NPM2: variants seen among roughly 807,000 people sequenced by gnomAD.
NPM2 encodes nucleoplasmin-2.
In NPM2, 25 loss-of-function variants were observed where a neutral mutation model predicts 32.0. The ratio of observed to expected loss-of-function variants is 0.78; its 90% CI spans 0.57 to 1.09. The LOEUF is 1.09. Ranked by LOEUF, NPM2 falls within the 50% of genes least tolerant of loss-of-function variation. NPM2 has a pLI of 0.00. For missense variants in NPM2, 282 were observed against 259.9 expected (o/e 1.08, Z -0.58); for synonymous variants, 111 against 94.2 (o/e 1.18, Z -1.04).
Position 22,036,528 on chromosome 8 carries a change from T to A in NPM2, c.600+2T>A. 1 of 1,599,350 alleles carries A rather than the reference T, an allele frequency of 6.3e-7. No homozygotes were observed. The highest frequency in any genetic ancestry group is 8.5e-7 in the Non-Finnish European group (1 of 1,173,236). On this transcript the variant is annotated splice_donor_variant, in intron 9 of 9. Transcript: ENST00000518119. LOFTEE classifies it high-confidence loss of function. The stretch of plus-strand genomic sequence containing the variant: ...AGAGACAAGAGCCCTGTGAAAAAGG[T>A]GAGTAGGACCAGAGGGCTTTGGCCC...
intron 5 of NPM2, among the ~76,000 whole-genome samples, chr8:22,029,734 GTT>G (rs907767313): frequency 1.3e-5 from 2 of 152,134 alleles, no homozygotes; most frequent in African/African-American, 4.8e-5. Context: ...CTTCATGATG[GTT>G]TGGCTGTGTA....
chr8:22,026,020 C>T (rs1005875000), intron 5 of NPM2, among the ~76,000 whole-genome samples: 4 of 152,170 alleles, frequency 2.6e-5, no homozygotes, highest in African/African-American at 7.2e-5. Context: ...GGGTCAAGGA[C>T]CAGAACTCGT....
chr8:22,025,331 C>T, intron 3 of NPM2, 25 bp downstream of exon 3: 1 of 1,601,894 alleles, frequency 6.2e-7, no homozygotes, highest in Non-Finnish European at 8.5e-7. Flanking sequence ...AGGCTCCTTC[C>T]CAGAGACACG....
intron 5 of NPM2, among the ~76,000 whole-genome samples, chr8:22,026,702 G>A (rs1476395220): frequency 2.0e-5 from 3 of 152,114 alleles, no homozygotes; most frequent in Admixed American, 6.6e-5. Flanking sequence ...TGATTCGCCC[G>A]CCTTGGCCTC....
At position 22,036,868 on chromosome 8, in the gene NPM2, C is replaced by T. The variant is rs1010940845; in HGVS notation, c.*186C>T. The T allele has an allele frequency of 1.4e-4, 84 of 596,630 alleles. No individual in the cohort carries two copies. The highest frequency in any genetic ancestry group is 8.2e-4 in the African/African-American group (43 of 52,744). 37.0% of individuals were successfully genotyped at this position (596,630 alleles called of 1,614,324 possible). ...AGGCCCCCAGTGAAGAGCCCCACCT[C>T]GGGGTCACAATAAAGTTGCCTGGTC... On this transcript the variant is annotated 3_prime_UTR_variant, in exon 10 of 10. Coordinates refer to ENST00000518119, the MANE Select transcript of NPM2 (RefSeq NM_001286680.2).
At chr8:22,029,466 A>T (rs1351070699) in intron 5 of NPM2, among the ~76,000 whole-genome samples, 2 of 152,060 alleles carry the variant, frequency 1.3e-5, no homozygotes, top group Admixed American at 6.5e-5. Context: ...TTTTAACTTC[A>T]ATATTATTAT....
At chr8:22,032,219 G>A (rs1433060837) in intron 5 of NPM2, among the ~76,000 whole-genome samples, 1 of 152,234 alleles carries the variant, frequency 6.6e-6, no homozygotes, top group African/African-American at 2.4e-5. Context: ...AATTTGGGAA[G>A]TTTGGAAAAG....
At position 22,034,263 on chromosome 8, in the gene NPM2, G is replaced by A. The variant is rs1287038846; in HGVS notation, c.519G>A (p.Ala173=). 3 of 1,594,360 alleles carry A rather than the reference G, an allele frequency of 1.9e-6. No individual in the cohort carries two copies. Among genetic ancestry groups the A allele is most frequent in the South Asian group, 1.2e-5 (1 of 86,792 alleles). ...AAAGGCTGGTGCCCCAGAAGCAGGC[G>A]AGCGTGGCTAAGGTGGGGGAAGGAG... ...QVKRLVPQKQ[A]SVAKKKKLEK... is the part of the protein sequence containing the mutation. Residue 173 remains alanine, a synonymous_variant, in exon 7 of 10, where the codon GCG becomes GCA. Transcript: ENST00000518119.
intron 5 of NPM2, among the ~76,000 whole-genome samples, chr8:22,028,484 G>GGT (rs1800330135): frequency 8.8e-5 from 3 of 33,980 alleles, no homozygotes; most frequent in Admixed American, 8.6e-4. Context: ...ATGCCCAGCT[G>GGT]ATTTTTTTTT....
Position 22,025,719 on chromosome 8 carries a change from A to C in NPM2, c.217A>C (p.Lys73Gln), listed in dbSNP as rs1800225809. Residue 73 changes from lysine (K) to glutamine (Q), a missense_variant, in exon 5 of 10, where the codon AAG becomes CAG. Transcript: ENST00000518119. ...EILPPANQED[K>Q]KMQPVTIASL... ...CCTGCCCCCAGCAAACCAGGAGGAC[A>C]AGAAGATGCAGCCGGTCACCATTGC... 6.2e-7 allele frequency: 1 copy of C among 1,614,002 alleles called. No homozygotes were observed. Among genetic ancestry groups the C allele is most frequent in the Admixed American group, 1.7e-5 (1 of 60,002 alleles).
In NPM2 at chr8:22,025,461, G is replaced by A. The variant is rs1800210671; in HGVS notation, c.84G>A (p.Arg28=). 3 of 1,614,166 alleles carry A rather than the reference G, an allele frequency of 1.9e-6. No homozygotes were observed. Among genetic ancestry groups the A allele is most frequent in the East Asian group, 2.2e-5 (1 of 44,872 alleles). Residue 28 remains arginine, a synonymous_variant, in exon 4 of 10, where the codon CGG becomes CGA. Transcript: ENST00000518119. ...LWGCELSQER[R]TWTFRPQLEG... ...GCTGCGAGCTCAGTCAGGAGAGGCG[G>A]ACTTGGACCTTCAGACCCCAGCTGG...
chr8:22,036,443 C>G, intron 8 of NPM2, 50 bp from the exon 9 acceptor site: 1 of 1,575,732 alleles, frequency 6.3e-7, no homozygotes, highest in Non-Finnish European at 8.6e-7. Context: ...TGGAGCTGAG[C>G]TCTCTCCCTG....
chr8:22,025,605 C>G (rs547655704), intron 4 of NPM2, 42 bp from the exon 5 acceptor site: 159 of 1,614,066 alleles, frequency 9.9e-5, no homozygotes, highest in Admixed American at 2.2e-4. Flanking sequence ...CTCCCGTCGG[C>G]CCTCAGGGTG....
chr8:22,036,374 A>C (rs940501966), intron 8 of NPM2, 119 bp from the exon 9 acceptor site: 2 of 951,274 alleles, frequency 2.1e-6, no homozygotes, highest in African/African-American at 3.3e-5. Context: ...AGTGGTCCCC[A>C]GGAGGAGCAG....
At chr8:22,026,422 A>G (rs1227301751) in intron 5 of NPM2, among the ~76,000 whole-genome samples, 1 of 150,962 alleles carries the variant, frequency 6.6e-6, no homozygotes. Context: ...TTTTCTATGC[A>G]TATAATAATT....
At chr8:22,033,746 T>G (rs1386669402) in intron 6 of NPM2, among the ~76,000 whole-genome samples, 1 of 152,146 alleles carries the variant, frequency 6.6e-6, no homozygotes, top group Non-Finnish European at 1.5e-5. Flanking sequence ...GCTATTTGTT[T>G]TAGATTCTTT....
At chr8:22,033,642 T>C (rs1800516364) in intron 6 of NPM2, among the ~76,000 whole-genome samples, 1 of 152,216 alleles carries the variant, frequency 6.6e-6, no homozygotes, top group Non-Finnish European at 1.5e-5. Context: ...CTGGCCCTCT[T>C]TTCTGTATGA....
At chr8:22,029,915 C>G (rs1190059118) in intron 5 of NPM2, among the ~76,000 whole-genome samples, 1 of 152,082 alleles carries the variant, frequency 6.6e-6, no homozygotes, top group Non-Finnish European at 1.5e-5. Flanking sequence ...ATAGTTTTAC[C>G]ATGATGTGTT....
Position 22,025,664 on chromosome 8 carries a change from A to G in NPM2, c.162A>G (p.Lys54=), listed in dbSNP as rs1053832294. 43 of 1,613,996 alleles carry G rather than the reference A, an allele frequency of 2.7e-5. No individual in the cohort carries two copies. The highest frequency in any genetic ancestry group is 3.6e-5 in the Non-Finnish European group (43 of 1,180,032). The change falls in exon 5 of 10, where the codon AAA becomes AAG. Residue 54 remains lysine (K), a synonymous_variant. Coordinates refer to ENST00000518119, the MANE Select transcript of NPM2 (RefSeq NM_001286680.2). The part of the protein sequence containing the change: ...LLLHTICLGE[K]AKEEMHRVEI... ...CCGCTCAGATTTGCTTGGGGGAGAA[A>G]GCCAAAGAGGAGATGCATCGCGTGG...
Sources: gnomAD v4.1 joint callset for allele counts (sites outside exome capture counted in the v4.1 genomes callset) on GRCh38, gnomAD v4.1.1 for gene constraint, MANE v1.5 for transcripts, NCBI Gene and HGNC (gene_info 2026-07-23, HGNC 2026-07-21) for gene names.